The following PCDHA6 variants were observed in gnomAD, a reference collection of about 807,000 sequenced individuals.
PCDHA6 encodes protocadherin alpha-6.
PCDHA6 carries 55 observed loss-of-function variants against 60.3 expected under a neutral mutation model. That is an observed-to-expected ratio of 0.91 (90% confidence interval 0.73 to 1.14). The LOEUF (loss-of-function observed/expected upper bound fraction) is 1.14. PCDHA6 is among the 50% of genes most tolerant of loss of function. The probability of loss-of-function intolerance (pLI) is 0.00; values close to 1 mark genes in which losing one functional copy is unlikely to be tolerated. For synonymous variants in PCDHA6, 652 were observed against 557.9 expected (o/e 1.17, Z -2.38); for missense variants, 1,327 against 1,256.5 (o/e 1.06, Z -0.85).
In PCDHA6 at chr5:140,927,340, G is replaced by A. The variant is rs77098674; in HGVS notation, c.2395-51609G>A. ...CCGCTTTACTCTCCCGAATGCCCAAGATGACGACGAGGGAAGCAATGGGAT... is the reference window on the plus strand; with the variant it reads ...CCGCTTTACTCTCCCGAATGCCCAAAATGACGACGAGGGAAGCAATGGGAT... On this transcript the variant is annotated intron_variant, in intron 1 of 3. Coordinates refer to ENST00000529310, the MANE Select transcript of PCDHA6 (RefSeq NM_018909.4). The A allele has an allele frequency of 8.1e-6, 13 of 1,614,032 alleles. No individual in the cohort carries two copies. The African/African-American group carries it at 1.5e-4, about 18-fold the overall frequency.
intron 1 of PCDHA6, chr5:140,849,719 G>T (rs1386986772): frequency 6.3e-7 from 1 of 1,598,444 alleles, no homozygotes; most frequent in African/African-American, 1.3e-5. Context: ...ACTCGTTGGT[G>T]CTGGACAGAG....
rs781902121 is a variant in PCDHA6 at position 140,870,112 on chromosome 5, G to A, written c.2394+39627G>A. The A allele has an allele frequency of 1.2e-6, 2 of 1,613,938 alleles. No individual in the cohort carries two copies. The highest frequency in any genetic ancestry group is 8.5e-7 in the Non-Finnish European group (1 of 1,179,896). ...AATGGCAGGTCACTGTACAGTCTGG[G>A]TGGAAATCTTGGACACCAACGATAA... On this transcript the variant is annotated intron_variant, in intron 1 of 3. Coordinates refer to ENST00000529310, the MANE Select transcript of PCDHA6 (RefSeq NM_018909.4).
At chr5:140,845,868 G>C (rs1252869410) in intron 1 of PCDHA6, among the ~76,000 whole-genome samples, 1 of 149,474 alleles carries the variant, frequency 6.7e-6, no homozygotes, top group South Asian at 2.1e-4. Flanking sequence ...TTGCAGAAAG[G>C]CAACCTAAAA....
At chr5:140,833,945 ATCTT>A (rs2150125418) in intron 1 of PCDHA6, among the ~76,000 whole-genome samples, 1 of 152,258 alleles carries the variant, frequency 6.6e-6, no homozygotes, top group East Asian at 1.9e-4. Flanking sequence ...TTAGGTTTCT[ATCTT>A]TATTTAAAAC....
At chr5:141,006,238 G>T (rs1298883912) in intron 3 of PCDHA6, among the ~76,000 whole-genome samples, 1 of 151,428 alleles carries the variant, frequency 6.6e-6, no homozygotes, top group East Asian at 1.9e-4. Flanking sequence ...TTTAGATGGA[G>T]TCTTGCTCTG....
intron 1 of PCDHA6, among the ~76,000 whole-genome samples, chr5:140,902,415 G>T (rs887303649): frequency 1.3e-5 from 2 of 152,060 alleles, no homozygotes; most frequent in South Asian, 4.1e-4. Context: ...TTGAATAACA[G>T]TGGTGAAAGT....
intron 1 of PCDHA6, among the ~76,000 whole-genome samples, chr5:140,907,040 G>A (rs781947448): frequency 1.4e-4 from 21 of 152,290 alleles, no homozygotes; most frequent in Non-Finnish European, 2.4e-4. Context: ...ATGTCACAGG[G>A]ACAGTAAGCA....
chr5:140,988,551 ATCT>A (rs1472655983), intron 3 of PCDHA6, among the ~76,000 whole-genome samples: 4 of 152,158 alleles, frequency 2.6e-5, no homozygotes, highest in South Asian at 2.1e-4. Flanking sequence ...GACTTTCTTC[ATCT>A]TCTTCTTGGG....
At chr5:140,859,726 A>G (rs929910976) in intron 1 of PCDHA6, 1 of 154,384 alleles carries the variant, frequency 6.5e-6, no homozygotes, top group Admixed American at 6.4e-5. Context: ...AAATTGTGGC[A>G]AGAATTTAAG....
intron 3 of PCDHA6, among the ~76,000 whole-genome samples, chr5:141,004,757 A>T (rs964370551): frequency 3.9e-5 from 6 of 152,164 alleles, no homozygotes; most frequent in African/African-American, 1.4e-4. Flanking sequence ...TCTCTTAGAG[A>T]CAGGACCTGT....
At chr5:140,992,514 G>A (rs1256283066) in intron 3 of PCDHA6, among the ~76,000 whole-genome samples, 1 of 152,176 alleles carries the variant, frequency 6.6e-6, no homozygotes, top group Non-Finnish European at 1.5e-5. Flanking sequence ...CTGGGGCATG[G>A]TAGCTAATGG....
chr5:140,956,408 C>T (rs1192859348), intron 1 of PCDHA6, among the ~76,000 whole-genome samples: 1 of 152,122 alleles, frequency 6.6e-6, no homozygotes, highest in Non-Finnish European at 1.5e-5. Context: ...TTGAGATAAT[C>T]ATGTGGGTTT....
rs373714901 is a variant in PCDHA6, at chr5:140,898,150, G to T, written c.2394+67665G>T. 6.9e-3 allele frequency among the ~76,000 whole-genome samples: 1,047 copies of T among 152,166 alleles called. 8 individuals are homozygous for T. The highest frequency in any genetic ancestry group is 0.024 in the African/African-American group (1,013 of 41,482). ...CCCATTTTGTAGGTTGCCTGTTCAC[G>T]CTGATGGTGGTTTCTTTTGCTGTGC... On this transcript the variant is annotated intron_variant, in intron 1 of 3. Transcript: ENST00000529310.
chr5:140,849,758 C>T lies in PCDHA6; in HGVS notation c.2394+19273C>T, dbSNP rs150560525. ...TGGACCGCGAGAGTGTGTCCGCCTA[C>T]GAGCTGGTGGTTACCGCGCGGGACG... On this transcript the variant is annotated intron_variant, in intron 1 of 3. Transcript: ENST00000529310. 1.8e-4 allele frequency: 292 copies of T among 1,598,480 alleles called. 14 individuals are homozygous for T. The highest frequency in any genetic ancestry group is 1.6e-3 in the African/African-American group (121 of 74,466).
chr5:140,967,698 A>T, intron 1 of PCDHA6: 1 of 1,614,174 alleles, frequency 6.2e-7, no homozygotes, highest in Non-Finnish European at 8.5e-7. Context: ...TTCAGCATAG[A>T]TGCCAGTACC....
In PCDHA6 at chr5:140,841,532, C is replaced by A. The variant is rs2150317529; in HGVS notation, c.2394+11047C>A. 22 of 1,613,576 alleles carry A rather than the reference C, an allele frequency of 1.4e-5. No individual in the cohort carries two copies. In the South Asian group the frequency reaches 2.3e-4, roughly 17 times the overall value. ...CCTGTTCCGGGTGGCGTCCAAAAGA[C>A]ACCGGGACCTTCTGGAGGTAAGTCT... On this transcript the variant is annotated intron_variant, in intron 1 of 3. Coordinates refer to ENST00000529310, the MANE Select transcript of PCDHA6 (RefSeq NM_018909.4).
intron 1 of PCDHA6, chr5:140,868,232 C>T (rs1176693366): frequency 6.6e-6 from 1 of 152,032 alleles, no homozygotes; most frequent in Non-Finnish European, 1.5e-5. Flanking sequence ...AAAAACTCAT[C>T]TAGATCAATA....
At chr5:141,000,415 A>T (rs1462372394) in intron 3 of PCDHA6, among the ~76,000 whole-genome samples, 8 of 87,370 alleles carry the variant, frequency 9.2e-5, no homozygotes, top group African/African-American at 2.5e-4. Flanking sequence ...ATATATATAT[A>T]TATATATTTT....
intron 1 of PCDHA6, among the ~76,000 whole-genome samples, chr5:140,977,568 G>A (rs547387044): frequency 1.3e-5 from 2 of 152,312 alleles, no homozygotes; most frequent in East Asian, 1.9e-4. Context: ...TAGCAGATTG[G>A]TAGAATAGAG....
Sources: gnomAD v4.1 joint callset for allele counts (sites outside exome capture counted in the v4.1 genomes callset) on GRCh38, gnomAD v4.1.1 for gene constraint, MANE v1.5 for transcripts, NCBI Gene and HGNC (gene_info 2026-07-23, HGNC 2026-07-21) for gene names.